The following KIZ variants were observed in gnomAD, a reference collection of about 807,000 sequenced individuals.
KIZ encodes the protein centrosomal protein kizuna.
Under a neutral mutation model 79.6 loss-of-function variants are expected in KIZ, and 68 were observed. The observed-to-expected ratio is 0.85, with a 90% CI of 0.70 to 1.05. The LOEUF (loss-of-function observed/expected upper bound fraction) is 1.05, where lower values mean the gene tolerates loss of function less well. Ranked by LOEUF, KIZ falls within the 50% of genes least tolerant of loss-of-function variation. The pLI is 0.00. For missense variants in KIZ, 797 were observed against 800.4 expected (o/e 1.00, Z 0.05); for synonymous variants, 280 against 281.8 (o/e 0.99, Z 0.06).
Position 21,229,133 on chromosome 20 carries a change from G to T in KIZ, c.1783+18G>T, listed in dbSNP as rs113152412. On this transcript the variant is annotated intron_variant, in intron 10 of 12. Coordinates refer to ENST00000619189, the MANE Select transcript of KIZ (RefSeq NM_018474.6). Reference sequence around the variant, plus strand: ...CTTGTCAGGTAAGTAAGAGCAGATGGCAGTGTCCAGGGGCCCAGAGTGGCA... The same window carrying T: ...CTTGTCAGGTAAGTAAGAGCAGATGTCAGTGTCCAGGGGCCCAGAGTGGCA... The T allele has an allele frequency of 1.7e-5, 25 of 1,441,366 alleles. 1 individual carries two copies. The South Asian group carries it at 2.6e-4, about 15-fold the overall frequency. 89.3% of individuals were successfully genotyped at this position (1,441,366 alleles called of 1,614,324 possible). A position where few individuals can be genotyped will look rare whatever the true frequency, so the allele number is the denominator to read the frequency against.
chr20:21,201,749 T>C (rs12625304), intron 6 of KIZ, among the ~76,000 whole-genome samples: 17,945 of 152,316 alleles, frequency 0.12, 1,395 homozygotes, highest in Non-Finnish European at 0.17. Context: ...ATCAATGTTA[T>C]AAATTTTCCA....
At chr20:21,154,661 A>C (rs961082827) in intron 4 of KIZ, among the ~76,000 whole-genome samples, 11 of 152,254 alleles carry the variant, frequency 7.2e-5, no homozygotes, top group Non-Finnish European at 1.6e-4. Context: ...TGCTTTTGGC[A>C]ATAACATCTG....
rs7268883 is a variant in KIZ at position 21,170,966 on chromosome 20, A to G, written c.1352+7807A>G. ...AAATGACAGGATCTCATTCTTTTCT[A>G]TGGCTAAATAGGTAAGTCTATGGTT... On this transcript the variant is annotated intron_variant, in intron 6 of 12. Coordinates refer to ENST00000619189, the MANE Select transcript of KIZ (RefSeq NM_018474.6). Among the ~76,000 whole-genome samples the G allele has an allele frequency of 1.2e-3, 184 of 152,338 alleles. 1 individual carries two copies. The highest frequency in any genetic ancestry group is 4.2e-3 in the African/African-American group (175 of 41,578).
chr20:21,182,963 C>G (rs2122935833), intron 6 of KIZ, among the ~76,000 whole-genome samples: 1 of 152,206 alleles, frequency 6.6e-6, no homozygotes, highest in Admixed American at 6.5e-5. Context: ...TAATCACAGT[C>G]TACTCTGGAA....
Position 21,203,871 on chromosome 20 carries a change from C to T in KIZ, c.1353-1620C>T, listed in dbSNP as rs1420886519. 2.6e-5 allele frequency among the ~76,000 whole-genome samples: 4 copies of T among 152,030 alleles called. No individual in the cohort carries two copies. In the East Asian group the frequency reaches 7.7e-4, roughly 29 times the overall value. On this transcript the variant is annotated intron_variant, in intron 6 of 12. Transcript: ENST00000619189. Reference sequence around the variant, plus strand: ...AGTTCAGTAGTGTTAAATATCTTTACTTTGTTGTACAACAGATCTCTGGAA... The same window carrying T: ...AGTTCAGTAGTGTTAAATATCTTTATTTTGTTGTACAACAGATCTCTGGAA...
intron 4 of KIZ, among the ~76,000 whole-genome samples, chr20:21,157,725 C>T (rs1451466696): frequency 1.3e-5 from 2 of 152,136 alleles, no homozygotes; most frequent in Non-Finnish European, 2.9e-5. Context: ...AGGGGCACTT[C>T]CTTTGGCCCT....
chr20:21,208,771 C>T (rs2035946829), intron 7 of KIZ, among the ~76,000 whole-genome samples: 1 of 151,996 alleles, frequency 6.6e-6, no homozygotes, highest in Non-Finnish European at 1.5e-5. Flanking sequence ...AAATGCACAG[C>T]CCCAAAGAAT....
chr20:21,189,094 T>C (rs1313233419), intron 6 of KIZ, among the ~76,000 whole-genome samples: 1 of 152,154 alleles, frequency 6.6e-6, no homozygotes, highest in Non-Finnish European at 1.5e-5. Context: ...TCCTCCCACA[T>C]TGGCTTCCCA....
At chr20:21,192,818 C>T (rs906609563) in intron 6 of KIZ, among the ~76,000 whole-genome samples, 1 of 152,114 alleles carries the variant, frequency 6.6e-6, no homozygotes, top group African/African-American at 2.4e-5. Context: ...AATGAATGGA[C>T]TTGAAGAACA....
At chr20:21,201,985 G>A (rs1048683475) in intron 6 of KIZ, among the ~76,000 whole-genome samples, 1 of 152,192 alleles carries the variant, frequency 6.6e-6, no homozygotes, top group East Asian at 1.9e-4. Context: ...CCTAGGTGCT[G>A]TACCTCCTTC....
chr20:21,131,206 C>T (rs1471322579), intron 1 of KIZ, among the ~76,000 whole-genome samples: 1 of 152,226 alleles, frequency 6.6e-6, no homozygotes, highest in African/African-American at 2.4e-5. Context: ...TCTGCTTCCT[C>T]TGCTGCCCAG....
At chr20:21,141,054 G>A (rs1049091412) in intron 3 of KIZ, among the ~76,000 whole-genome samples, 7 of 151,976 alleles carry the variant, frequency 4.6e-5, no homozygotes, top group Non-Finnish European at 7.4e-5. Context: ...ACCCAAGAAT[G>A]TAAATATTAG....
intron 6 of KIZ, among the ~76,000 whole-genome samples, chr20:21,201,148 C>T (rs964647978): frequency 2.7e-4 from 41 of 152,062 alleles, no homozygotes; most frequent in Non-Finnish European, 1.0e-4. Flanking sequence ...CACTGCACTC[C>T]AGCCTGGGTG....
intron 6 of KIZ, among the ~76,000 whole-genome samples, chr20:21,169,443 G>A (rs2122776622): frequency 6.6e-6 from 1 of 152,254 alleles, no homozygotes; most frequent in South Asian, 2.1e-4. Context: ...GTGCTGGAGA[G>A]GATGTGGAGA....
At chr20:21,147,111 A>G (rs555499341) in intron 4 of KIZ, among the ~76,000 whole-genome samples, 2 of 152,278 alleles carry the variant, frequency 1.3e-5, no homozygotes, top group East Asian at 1.9e-4. Flanking sequence ...GGCAGTGTCA[A>G]TGGTACTTCA....
At chr20:21,130,509 G>T (rs76285041) in intron 1 of KIZ, among the ~76,000 whole-genome samples, 1,955 of 152,302 alleles carry the variant, frequency 0.013, 33 homozygotes, top group African/African-American at 0.041. Context: ...AATTTCTAAT[G>T]TGGAAGCAAT....
intron 6 of KIZ, among the ~76,000 whole-genome samples, chr20:21,176,569 CA>C (rs35016994): frequency 0.66 from 86,160 of 131,086 alleles, 26,635 homozygotes; most frequent in Middle Eastern, 0.78. Flanking sequence ...ACAAAAAAGG[CA>C]AAAAAAAAAA....
chr20:21,239,421 C>T (rs1414446272), intron 11 of KIZ, among the ~76,000 whole-genome samples: 1 of 152,236 alleles, frequency 6.6e-6, no homozygotes, highest in African/African-American at 2.4e-5. Context: ...TGCTCTACTG[C>T]TGGCTCGCTC....
At chr20:21,205,239 G>C (rs1011777147) in intron 6 of KIZ, among the ~76,000 whole-genome samples, 1 of 152,196 alleles carries the variant, frequency 6.6e-6, no homozygotes, top group South Asian at 2.1e-4. Flanking sequence ...CAGGCACCCA[G>C]ATTGTGCAGA....
Sources: allele counts gnomAD v4.1 joint callset (sites outside exome capture counted in the v4.1 genomes callset), GRCh38; gene constraint gnomAD v4.1.1; transcripts MANE v1.5; gene names NCBI Gene and HGNC (gene_info 2026-07-23, HGNC 2026-07-21).